SLC28A1: variants seen among roughly 807,000 people sequenced by gnomAD.
SLC28A1 encodes sodium/nucleoside cotransporter 1.
In SLC28A1, 64 loss-of-function variants were observed where a neutral mutation model predicts 74.8. That is an observed-to-expected ratio of 0.86 (90% CI 0.70 to 1.05). The LOEUF (loss-of-function observed/expected upper bound fraction) is 1.05, where lower values mean the gene tolerates loss of function less well. SLC28A1 is among the 50% of genes least tolerant of loss of function. The pLI is 0.00. For synonymous variants in SLC28A1, 359 were observed against 335.0 expected (o/e 1.07, Z -0.78); for missense variants, 828 against 822.8 (o/e 1.01, Z -0.08).
intron 9 of SLC28A1, among the ~76,000 whole-genome samples, chr15:84,912,069 G>C (rs924594474): frequency 1.3e-5 from 2 of 152,160 alleles, no homozygotes; most frequent in Non-Finnish European, 2.9e-5. Context: ...CCGTGTATTG[G>C]CTGATGCACC....
the SLC28A1 span, among the ~76,000 whole-genome samples, chr15:84,960,360 A>T: frequency 6.7e-6 from 1 of 149,376 alleles, no homozygotes; most frequent in African/African-American, 2.5e-5. Context: ...TGAATTCAAG[A>T]GATTCTCCTG....
At chr15:84,973,105 T>C in the SLC28A1 span, among the ~76,000 whole-genome samples, 2 of 152,204 alleles carry the variant, frequency 1.3e-5, no homozygotes. Flanking sequence ...ACCTCATTTT[T>C]CCACTTAGCC....
chr15:84,954,698 G>A, the SLC28A1 span, among the ~76,000 whole-genome samples: 90 of 152,316 alleles, frequency 5.9e-4, no homozygotes, highest in Non-Finnish European at 1.0e-3. Flanking sequence ...ATTGTAGCAC[G>A]TTGGCTTCCT....
intron 11 of SLC28A1, among the ~76,000 whole-genome samples, chr15:84,922,616 C>A (rs761598995): frequency 6.6e-6 from 1 of 152,192 alleles, no homozygotes; most frequent in African/African-American, 2.4e-5. Context: ...CTCATACACC[C>A]GAGTGACCCT....
the SLC28A1 span, among the ~76,000 whole-genome samples, chr15:84,957,621 T>G: frequency 6.6e-6 from 1 of 152,250 alleles, no homozygotes; most frequent in Non-Finnish European, 1.5e-5. Context: ...AAAAATCAAT[T>G]GACCATAATA....
intron 12 of SLC28A1, among the ~76,000 whole-genome samples, chr15:84,929,677 A>G (rs1971053951): frequency 1.3e-5 from 2 of 152,028 alleles, no homozygotes; most frequent in African/African-American, 4.8e-5. Flanking sequence ...ACATAGGGAG[A>G]CCCCTATCTC....
At chr15:84,908,573 C>A (rs374976753) in intron 8 of SLC28A1, 145 bp from the exon 9 acceptor site, 48 of 711,956 alleles carry the variant, frequency 6.7e-5, no homozygotes, top group African/African-American at 5.3e-4. Flanking sequence ...CTTTAACGCA[C>A]CTTGCCAGGT....
intron 6 of SLC28A1, among the ~76,000 whole-genome samples, chr15:84,896,563 C>T (rs536219852): frequency 6.6e-6 from 1 of 152,270 alleles, no homozygotes; most frequent in Admixed American, 6.5e-5. Context: ...CCCGTAATCC[C>T]AGCACTTTGG....
the SLC28A1 span, among the ~76,000 whole-genome samples, chr15:84,962,960 C>T: frequency 6.6e-6 from 1 of 152,148 alleles, no homozygotes; most frequent in African/African-American, 2.4e-5. Context: ...TCAGCAGAGC[C>T]ACCAAGCCTG....
chr15:84,895,018 T>C lies in SLC28A1; in HGVS notation c.356T>C (p.Val119Ala). 1 of 1,614,132 alleles carries C rather than the reference T, an allele frequency of 6.2e-7. No homozygotes were observed. The highest frequency in any genetic ancestry group is 1.7e-5 in the Admixed American group (1 of 60,018). ...GCTCTGTTTGTCCTCACCTGTGTGG[T>C]CCTCACCTTCCTGGGCCACCGCCTG... The part of the protein sequence containing the change: ...ALALFVLTCV[V>A]LTFLGHRLLK... Residue 119 changes from valine to alanine, a missense_variant, in exon 6 of 19, where the codon GTC (valine) becomes GCC (alanine). Physicochemically the swap from Val to Ala is moderately conservative, Grantham distance 64. Transcript: ENST00000394573.
At position 84,908,696 on chromosome 15, in the gene SLC28A1, T is replaced by C. The variant is rs775617657; in HGVS notation, c.718-22T>C. 3 of 1,603,290 alleles carry C rather than the reference T, an allele frequency of 1.9e-6. No homozygotes were observed. The East Asian group carries it at 6.7e-5, about 36-fold the overall frequency. On this transcript the variant is annotated intron_variant, in intron 8 of 18. Coordinates refer to ENST00000394573, the MANE Select transcript of SLC28A1 (RefSeq NM_004213.5). Reference sequence around the variant, plus strand: ...TCCCAGCCTCACTGCCTGTTTTTGTTTGTTTTGCTTTTTTCTTTCAGATCT... The same window carrying C: ...TCCCAGCCTCACTGCCTGTTTTTGTCTGTTTTGCTTTTTTCTTTCAGATCT...
At chr15:84,933,450 A>G (rs753210240) in intron 13 of SLC28A1, among the ~76,000 whole-genome samples, 175 bp downstream of exon 13, 3 of 152,316 alleles carry the variant, frequency 2.0e-5, no homozygotes, top group African/African-American at 7.2e-5. Context: ...TCTGTTGCTT[A>G]TAACAGAAAT....
intron 9 of SLC28A1, among the ~76,000 whole-genome samples, chr15:84,911,083 G>C (rs777939989): frequency 2.0e-5 from 3 of 152,244 alleles, no homozygotes; most frequent in Non-Finnish European, 4.4e-5. Flanking sequence ...AAAAGCAGGG[G>C]AAGAGGTGCC....
chr15:84,887,608 G>A, intron 2 of SLC28A1, 137 bp from the exon 3 acceptor site: 3 of 1,527,578 alleles, frequency 2.0e-6, no homozygotes, highest in Non-Finnish European at 2.6e-6. Flanking sequence ...GATGGCATAG[G>A]TGGCCCCCAG....
At position 84,904,091 on chromosome 15, in the gene SLC28A1, C is replaced by T; in HGVS notation, c.462-6C>T. ...AGGGTAATGGCTTTCTGTCTCTTGC[C>T]TGCAGGGGTCTAGCTCTTGCTGCTT... On this transcript the variant is annotated splice_polypyrimidine_tract_variant and splice_region_variant and intron_variant, in intron 6 of 18. Transcript: ENST00000394573. The T allele has an allele frequency of 6.2e-7, 1 of 1,614,176 alleles. No individual in the cohort carries two copies. The highest frequency in any genetic ancestry group is 1.1e-5 in the South Asian group (1 of 91,078).
chr15:84,963,962 C>G, the SLC28A1 span, among the ~76,000 whole-genome samples: 1 of 152,172 alleles, frequency 6.6e-6, no homozygotes, highest in Non-Finnish European at 1.5e-5. Context: ...GCTCCAGACG[C>G]TTGACCACTC....
the SLC28A1 span, among the ~76,000 whole-genome samples, chr15:84,956,442 C>CCTTTCTTTCTTTCTTTCTTTCTTT: frequency 1.6e-5 from 2 of 124,568 alleles, no homozygotes; most frequent in Non-Finnish European, 3.3e-5. Flanking sequence ...TTCCTTCCTT[C>CCTTTCTTTCTTTCTTTCTTTCTTT]CTTTCTTTCT....
chr15:84,956,591 C>G, the SLC28A1 span, among the ~76,000 whole-genome samples: 1 of 151,636 alleles, frequency 6.6e-6, no homozygotes, highest in East Asian at 1.9e-4. Flanking sequence ...CTCCCAGGCT[C>G]AAGAGATCCT....
At chr15:84,891,209 G>C (rs1965337486) in intron 5 of SLC28A1, among the ~76,000 whole-genome samples, 2 of 152,190 alleles carry the variant, frequency 1.3e-5, no homozygotes, top group Non-Finnish European at 2.9e-5. Context: ...GGGAGATGGA[G>C]ACATTGAGGA....
Sources: gnomAD v4.1 joint callset for allele counts (sites outside exome capture counted in the v4.1 genomes callset) on GRCh38, gnomAD v4.1.1 for gene constraint, MANE v1.5 for transcripts, NCBI Gene and HGNC (gene_info 2026-07-23, HGNC 2026-07-21) for gene names.